Variants in FIGLA observed in about 807,000 individuals in gnomAD.
The protein encoded by FIGLA is folliculogenesis specific bHLH transcription factor.
Under a neutral mutation model 21.5 loss-of-function variants are expected in FIGLA, and 17 were observed. The observed-to-expected ratio is 0.79, with a 90% CI of 0.54 to 1.19. FIGLA has a LOEUF of 1.19. Ranked by LOEUF, FIGLA falls within the 50% of genes most tolerant of loss-of-function variation. FIGLA has a pLI of 0.00. For missense variants in FIGLA, 282 were observed against 285.0 expected (o/e 0.99, Z 0.08); for synonymous variants, 129 against 117.6 (o/e 1.10, Z -0.63).
At chr2:70,783,816 G>A (rs948385517) in intron 3 of FIGLA, among the ~76,000 whole-genome samples, 3 of 151,470 alleles carry the variant, frequency 2.0e-5, no homozygotes, top group African/African-American at 7.3e-5. Context: ...TCCTGCCTCA[G>A]CCTCTTGAGT....
intron 1 of FIGLA, among the ~76,000 whole-genome samples, chr2:70,789,143 T>TGACA (rs10631103): frequency 0.54 from 81,097 of 151,238 alleles, 22,782 homozygotes; most frequent in East Asian, 0.74. Context: ...ATGTACTGAA[T>TGACA]ATTTTGTAAA....
chr2:70,779,056 C>T (rs116050143), intron 3 of FIGLA, among the ~76,000 whole-genome samples: 2,502 of 152,244 alleles, frequency 0.016, 33 homozygotes, highest in Middle Eastern at 0.027. Flanking sequence ...ACAGCACCAG[C>T]CCCTAAATCC....
chr2:70,790,610 G>A lies in FIGLA; in HGVS notation c.29C>T (p.Pro10Leu). ...CAGGAGCGCGGGCGGCGCGGCGCGG[G>A]GATCTAGGACGCCGGGCGCGGGGTC... Reference protein sequence around the residue: MDPAPGVLDPRAAPPALLGT... With the variant: MDPAPGVLDLRAAPPALLGT... The change falls in exon 1 of 5, where the codon CCC becomes CTC. Residue 10 changes from proline (P) to leucine (L), a missense_variant. Coordinates refer to ENST00000332372, the MANE Select transcript of FIGLA (RefSeq NM_001004311.3). The A allele has an allele frequency of 7.5e-6, 11 of 1,457,710 alleles. No individual in the cohort carries two copies. The highest frequency in any genetic ancestry group is 9.9e-6 in the Non-Finnish European group (11 of 1,111,634). The allele number at this position is 1,457,710 out of a possible 1,614,324, so 90.3% of individuals were successfully genotyped here.
rs782251865 is a variant in FIGLA, at chr2:70,785,423, T to C, written c.601A>G (p.Arg201Gly). The part of the protein sequence containing the change: ...MSTTEIISPT[R>G]SLDRFPEVEL... Reference sequence around the variant, plus strand: ...AAGAAGGAATATTTTACCAGACTTCTGGTTGGGGAGATAATTTCAGTCGTA... The same window carrying C: ...AAGAAGGAATATTTTACCAGACTTCCGGTTGGGGAGATAATTTCAGTCGTA... The change falls in exon 3 of 5, where the codon AGA becomes GGA. Residue 201 changes from arginine to glycine, a missense_variant. Coordinates refer to ENST00000332372, the MANE Select transcript of FIGLA (RefSeq NM_001004311.3). 1.4e-5 allele frequency: 23 copies of C among 1,610,170 alleles called. No individual in the cohort carries two copies. The highest frequency in any genetic ancestry group is 1.3e-5 in the Non-Finnish European group (15 of 1,176,770).
chr2:70,788,519 T>G (rs1016922219), intron 1 of FIGLA, among the ~76,000 whole-genome samples: 13 of 152,190 alleles, frequency 8.5e-5, no homozygotes, highest in African/African-American at 2.9e-4. Context: ...AATTCTGATG[T>G]TCATCCCCCT....
chr2:70,784,333 T>C (rs1675907139), intron 3 of FIGLA, among the ~76,000 whole-genome samples: 1 of 152,198 alleles, frequency 6.6e-6, no homozygotes, highest in African/African-American at 2.4e-5. Context: ...TGGCTCATTA[T>C]TGCTCACTAA....
chr2:70,777,615 A>C, intron 4 of FIGLA, 22 bp downstream of exon 4: 1 of 1,601,440 alleles, frequency 6.2e-7, no homozygotes, highest in Non-Finnish European at 8.5e-7. Context: ...GGCACTATGC[A>C]TCAGGTTATA....
At chr2:70,781,346 G>T (rs564409337) in intron 3 of FIGLA, among the ~76,000 whole-genome samples, 12 of 152,196 alleles carry the variant, frequency 7.9e-5, no homozygotes, top group African/African-American at 2.9e-4. Flanking sequence ...AACACCTTCT[G>T]CCAAAAAGGA....
At chr2:70,784,939 C>A (rs1409517927) in intron 3 of FIGLA, among the ~76,000 whole-genome samples, 1 of 98,642 alleles carries the variant, frequency 1.0e-5, no homozygotes, top group African/African-American at 5.2e-5. Flanking sequence ...GCACCACCCC[C>A]CACCACAAAA....
intron 3 of FIGLA, 103 bp from the exon 4 acceptor site, chr2:70,777,774 T>C (rs1675786902): frequency 1.4e-5 from 8 of 565,804 alleles, no homozygotes; most frequent in Non-Finnish European, 2.2e-5. Flanking sequence ...AGTAAAAAAA[T>C]TGTCCCACCT....
chr2:70,777,547 T>C lies in FIGLA; in HGVS notation c.644+90A>G, dbSNP rs2104594799. The C allele has an allele frequency of 5.9e-6, 9 of 1,535,524 alleles. No homozygotes were observed. The South Asian group carries it at 7.4e-5, about 13-fold the overall frequency. ...AGATTCCTTCTTTTAATAGAGCTCA[T>C]TGCTAAGAATGTGATGGAATTAGCA... is the stretch of plus-strand genomic sequence containing the variant. On this transcript the variant is annotated intron_variant, in intron 4 of 4. Transcript: ENST00000332372.
chr2:70,779,040 A>AC (rs1675810386), intron 3 of FIGLA, among the ~76,000 whole-genome samples: 2 of 152,174 alleles, frequency 1.3e-5, no homozygotes, highest in Non-Finnish European at 2.9e-5. Flanking sequence ...AAGCATAGGC[A>AC]CCATCACAGC....
In FIGLA at chr2:70,777,883, G is replaced by T. The variant is rs138724367; in HGVS notation, c.610-212C>A. ...TTTTTATTTTAGTTGCAAAGGAAAA[G>T]AAATGGGAAGGATTTTAGTGTATTT... On this transcript the variant is annotated intron_variant, in intron 3 of 4. Transcript: ENST00000332372. Among the ~76,000 whole-genome samples, 521 of 152,298 alleles carry T rather than the reference G, an allele frequency of 3.4e-3. 3 individuals carry two copies. Among genetic ancestry groups the T allele is most frequent in the African/African-American group, 0.012 (499 of 41,560 alleles).
At chr2:70,780,628 C>G (rs1344302981) in intron 3 of FIGLA, among the ~76,000 whole-genome samples, 3 of 152,168 alleles carry the variant, frequency 2.0e-5, no homozygotes, top group Admixed American at 1.3e-4. Context: ...TCGCTCAACT[C>G]ACATATAATT....
chr2:70,787,862 A>G (rs1675984135), intron 1 of FIGLA, 61 bp from the exon 2 acceptor site: 4 of 1,549,190 alleles, frequency 2.6e-6, no homozygotes, highest in Non-Finnish European at 2.6e-6. Context: ...CATCTCCCCA[A>G]GCTACAGAAG....
rs1553388525 is a variant in FIGLA at position 70,777,670 on chromosome 2, T to C, written c.611A>G (p.Asp204Gly). The change falls in exon 4 of 5, where the codon GAT becomes GGT. Residue 204 changes from aspartate (D) to glycine (G), a missense_variant and splice_region_variant. Asp to Gly is a moderately conservative substitution (Grantham distance 94). Transcript: ENST00000332372. ...TEIISPTRSL[D>G]RFPEVELLSH... ...CAGCAGTTCTACTTCTGGGAATCTA[T>C]CCTGCAAAAACAATACAAAATACAG... 1 of 1,461,066 alleles carries C rather than the reference T, an allele frequency of 6.8e-7. No individual in the cohort carries two copies. Among genetic ancestry groups the C allele is most frequent in the South Asian group, 1.2e-5 (1 of 85,208 alleles). 90.5% of individuals were successfully genotyped at this position (1,461,066 alleles called of 1,614,324 possible).
chr2:70,789,439 C>A (rs1283118313), intron 1 of FIGLA, among the ~76,000 whole-genome samples: 2 of 152,126 alleles, frequency 1.3e-5, no homozygotes, highest in East Asian at 3.9e-4. Flanking sequence ...CGAATCAGAT[C>A]ACAGGGTTCT....
chr2:70,779,362 G>A (rs1372940740), intron 3 of FIGLA, among the ~76,000 whole-genome samples: 1 of 152,116 alleles, frequency 6.6e-6, no homozygotes, highest in Non-Finnish European at 1.5e-5. Flanking sequence ...CAAGCAAAGC[G>A]AGACCCATCA....
Position 70,785,453 on chromosome 2 carries a change from TCA to T in FIGLA, c.569_570del (p.Val190AspfsTer5). Reference protein sequence around the residue: ...GEPAHACRHSVMSTTEIISPT... With the variant: ...GEPAHACRHSXMSTTEIISPT... ...GGGGAGATAATTTCAGTCGTAGACA[TCA>T]CACTGTGGCGACAAGCGTGTGCTGG... is the stretch of plus-strand genomic sequence containing the variant. On this transcript the variant is annotated frameshift_variant, in exon 3 of 5. Coordinates refer to ENST00000332372, the MANE Select transcript of FIGLA (RefSeq NM_001004311.3). LOFTEE classifies it high-confidence loss of function. 1 of 1,613,988 alleles carries T rather than the reference TCA, an allele frequency of 6.2e-7. No individual in the cohort carries two copies.
Sources: gnomAD v4.1 joint callset for allele counts (sites outside exome capture counted in the v4.1 genomes callset) on GRCh38, gnomAD v4.1.1 for gene constraint, MANE v1.5 for transcripts, NCBI Gene and HGNC (gene_info 2026-07-23, HGNC 2026-07-21) for gene names.